The following CELF2 variants were observed in gnomAD, a reference collection of about 807,000 sequenced individuals.
CELF2 encodes CUGBP Elav-like family member 2.
In CELF2, 8 loss-of-function variants were observed where a neutral mutation model predicts 62.6. The observed-to-expected ratio is 0.13, with a 90% CI of 0.07 to 0.23. The LOEUF (loss-of-function observed/expected upper bound fraction) is 0.23, where lower values mean the gene tolerates loss of function less well. CELF2 is among the 10% of genes least tolerant of loss of function. The pLI, the probability that CELF2 is intolerant of heterozygous loss-of-function variation, is 1.00. For missense variants in CELF2, 333 were observed against 671.0 expected (o/e 0.50, Z 5.56); for synonymous variants, 258 against 250.0 (o/e 1.03, Z -0.30).
Position 11,288,570 on chromosome 10 carries a change from T to C in CELF2, c.976+18T>C. 4.3e-6 allele frequency: 7 copies of C among 1,612,612 alleles called. No homozygotes were observed. The highest frequency in any genetic ancestry group is 5.9e-6 in the Non-Finnish European group (7 of 1,179,588). On this transcript the variant is annotated intron_variant, in intron 9 of 12. Transcript: ENST00000633077. Reference sequence around the variant, plus strand: ...GAGTCCCGGTGAGTGTGGGGGGTGCTCTTCCCTTGCAGGTGATGCAGCAGG... The same window carrying C: ...GAGTCCCGGTGAGTGTGGGGGGTGCCCTTCCCTTGCAGGTGATGCAGCAGG...
At chr10:10,549,836 C>A in the CELF2 span, among the ~76,000 whole-genome samples, 1 of 152,144 alleles carries the variant, frequency 6.6e-6, no homozygotes, top group Non-Finnish European at 1.5e-5. Flanking sequence ...GTGACACAAT[C>A]CAGCTCATAA....
chr10:11,185,942 C>A (rs554481057), intron 2 of CELF2, among the ~76,000 whole-genome samples: 5 of 152,174 alleles, frequency 3.3e-5, no homozygotes, highest in African/African-American at 1.2e-4. Context: ...TGGTAGAATT[C>A]ATCACATAAG....
intron 1 of CELF2, among the ~76,000 whole-genome samples, chr10:11,124,108 A>C (rs886880230): frequency 7.2e-5 from 11 of 152,124 alleles, no homozygotes; most frequent in Non-Finnish European, 1.5e-4. Context: ...CACTATCATG[A>C]GAACAGTATG....
intron 1 of CELF2, among the ~76,000 whole-genome samples, chr10:11,034,805 C>T (rs904857212): frequency 2.0e-5 from 3 of 152,144 alleles, no homozygotes; most frequent in Non-Finnish European, 4.4e-5. Flanking sequence ...CCCTAAACTT[C>T]TGTAGCAGAG....
At position 11,247,754 on chromosome 10, in the gene CELF2, C is replaced by A. The variant is rs772757366; in HGVS notation, c.355-1399C>A. Among the ~76,000 whole-genome samples the A allele has an allele frequency of 6.6e-6, 1 of 152,178 alleles. No homozygotes were observed. Among genetic ancestry groups the A allele is most frequent in the Non-Finnish European group, 1.5e-5 (1 of 68,030 alleles). Reference sequence around the variant, plus strand: ...CCAGACAGATGCATGCTGGGAGGATCGCTTGCTCAAAGACTCTGCCCATCT... The same window carrying A: ...CCAGACAGATGCATGCTGGGAGGATAGCTTGCTCAAAGACTCTGCCCATCT... On this transcript the variant is annotated intron_variant, in intron 3 of 12. Coordinates refer to ENST00000633077, the MANE Select transcript of CELF2 (RefSeq NM_001326342.2). The surrounding 1 kb of genome is among the most constrained non-coding windows in gnomAD (Gnocchi z 5.4).
At position 11,270,680 on chromosome 10, in the gene CELF2, T is replaced by C. The variant is rs747060401; in HGVS notation, c.633T>C (p.Pro211=). 30 of 1,506,908 alleles carry C rather than the reference T, an allele frequency of 2.0e-5. No homozygotes were observed. The highest frequency in any genetic ancestry group is 2.7e-5 in the Non-Finnish European group (30 of 1,121,894). The allele number at this position is 1,506,908 out of a possible 1,614,324, so 93.3% of individuals were successfully genotyped here. Residue 211 remains proline, a synonymous_variant, in exon 7 of 13, where the codon CCT becomes CCC. Coordinates refer to ENST00000633077, the MANE Select transcript of CELF2 (RefSeq NM_001326342.2). This position sits in a 1 kb window ranked among gnomAD's most constrained non-coding sequence, Gnocchi z 5.8. ...QSQTMEGCSS[P]IVVKFADTQK... is the part of the protein sequence containing the mutation. ...TCTGACCACAGGGCTGCTCTTCACCTATCGTGGTGAAGTTTGCTGACACTC... is the reference window on the plus strand; with the variant it reads ...TCTGACCACAGGGCTGCTCTTCACCCATCGTGGTGAAGTTTGCTGACACTC...
the CELF2 span, among the ~76,000 whole-genome samples, chr10:10,502,609 G>C: frequency 6.6e-6 from 1 of 151,842 alleles, no homozygotes; most frequent in Non-Finnish European, 1.5e-5. Flanking sequence ...TGCATGGTCT[G>C]TAATAACATA....
the CELF2 span, among the ~76,000 whole-genome samples, chr10:10,469,482 G>A: frequency 6.6e-6 from 1 of 151,830 alleles, no homozygotes; most frequent in African/African-American, 2.4e-5. Flanking sequence ...CCCCTTCTAT[G>A]CCTGGTTTGC....
chr10:10,982,588 A>T (rs2052272696), intron 2 of CELF2, among the ~76,000 whole-genome samples: 1 of 152,200 alleles, frequency 6.6e-6, no homozygotes, highest in African/African-American at 2.4e-5. Flanking sequence ...TCCAGGAAAG[A>T]GCTGCTCATC....
the CELF2 span, among the ~76,000 whole-genome samples, chr10:10,517,650 G>A: frequency 2.0e-5 from 3 of 152,128 alleles, no homozygotes; most frequent in Non-Finnish European, 4.4e-5. Context: ...TTTCCCTGCA[G>A]CATGGGAAGG....
chr10:10,627,946 A>G, the CELF2 span, among the ~76,000 whole-genome samples: 1 of 152,216 alleles, frequency 6.6e-6, no homozygotes, highest in Non-Finnish European at 1.5e-5. Context: ...TCTGTCACCC[A>G]GGCTGGAGTG....
chr10:10,827,427 A>G (rs2057483712), intron 1 of CELF2, among the ~76,000 whole-genome samples: 1 of 152,234 alleles, frequency 6.6e-6, no homozygotes, highest in Non-Finnish European at 1.5e-5. Context: ...CAAATCATTT[A>G]TCTTTGCAAC....
the CELF2 span, among the ~76,000 whole-genome samples, chr10:10,562,713 C>G: frequency 6.6e-6 from 1 of 152,148 alleles, no homozygotes; most frequent in Non-Finnish European, 1.5e-5. Context: ...GGTCCTTTCC[C>G]TCCTCTGTCT....
intron 1 of CELF2, among the ~76,000 whole-genome samples, chr10:11,076,137 G>A (rs531347842): frequency 1.3e-5 from 2 of 152,052 alleles, no homozygotes; most frequent in East Asian, 3.9e-4. Flanking sequence ...TAAAATAGCA[G>A]ATGGGATATT....
At chr10:10,714,817 G>A in the CELF2 span, among the ~76,000 whole-genome samples, 880 of 151,910 alleles carry the variant, frequency 5.8e-3, 2 homozygotes, top group Non-Finnish European at 8.1e-3. Context: ...TTCTAAGAAT[G>A]TATCCTCTGT....
intron 1 of CELF2, among the ~76,000 whole-genome samples, chr10:10,855,162 G>A (rs986612303): frequency 5.9e-5 from 9 of 152,186 alleles, no homozygotes; most frequent in African/African-American, 2.2e-4. Context: ...AGCTTGATCA[G>A]TTTTCTCAGT....
At chr10:11,016,582 C>A (rs528534347), upstream of CELF2, among the ~76,000 whole-genome samples, 1 of 152,192 alleles carries the variant, frequency 6.6e-6, no homozygotes. The surrounding 1 kb of genome is among the most constrained non-coding windows in gnomAD (Gnocchi z 5.2). Context: ...TGTCATCACA[C>A]AAGAATCTGG....
At position 11,247,604 on chromosome 10, in the gene CELF2, G is replaced by A. The variant is rs1226788931; in HGVS notation, c.355-1549G>A. The stretch of plus-strand genomic sequence containing the variant: ...CTCCATCCTATGCCCGCCATCCCAT[G>A]CCCGCCATCCCACCCCTGCCACACT... On this transcript the variant is annotated intron_variant, in intron 3 of 12. Coordinates refer to ENST00000633077, the MANE Select transcript of CELF2 (RefSeq NM_001326342.2). The surrounding 1 kb of genome is among the most constrained non-coding windows in gnomAD (Gnocchi z 5.4). Among the ~76,000 whole-genome samples the A allele has an allele frequency of 1.5e-5, 2 of 129,226 alleles. No homozygotes were observed. Among genetic ancestry groups the A allele is most frequent in the East Asian group, 2.2e-4 (1 of 4,564 alleles). The allele number at this position is 129,226 out of a possible 152,430, so 84.8% of individuals were successfully genotyped here. A position where few individuals can be genotyped will look rare whatever the true frequency, so the allele number is the denominator to read the frequency against.
intron 2 of CELF2, among the ~76,000 whole-genome samples, chr10:10,940,222 A>G (rs953411252): frequency 7.9e-5 from 12 of 152,194 alleles, no homozygotes; most frequent in Non-Finnish European, 1.6e-4. Context: ...TACTTTTCAC[A>G]TCAATAGTTA....
Sources: gnomAD v4.1 joint callset for allele counts (sites outside exome capture counted in the v4.1 genomes callset) on GRCh38, gnomAD v4.1.1 for gene constraint, Gnocchi (gnomAD v3.1) non-coding constraint, MANE v1.5 for transcripts, NCBI Gene and HGNC (gene_info 2026-07-23, HGNC 2026-07-21) for gene names.